SIK3: variants seen among roughly 807,000 people sequenced by gnomAD.
The protein encoded by SIK3 is SIK family kinase 3.
SIK3 carries 28 observed loss-of-function variants against 144.2 expected under a neutral mutation model. That is an observed-to-expected ratio of 0.19 (90% CI 0.14 to 0.27). The LOEUF is 0.27. Ranked by LOEUF, SIK3 falls within the 10% of genes least tolerant of loss-of-function variation. The pLI is 1.00. For synonymous variants in SIK3, 686 were observed against 676.3 expected (o/e 1.01, Z -0.22); for missense variants, 1,319 against 1,776.0 (o/e 0.74, Z 4.62).
At chr11:117,006,651 A>C (rs1951058799) in intron 1 of SIK3, among the ~76,000 whole-genome samples, 1 of 152,092 alleles carries the variant, frequency 6.6e-6, no homozygotes, top group African/African-American at 2.4e-5. Flanking sequence ...AAAAAAAAGA[A>C]AGAAAGAAAG....
intron 1 of SIK3, among the ~76,000 whole-genome samples, chr11:116,970,230 T>C (rs995906366): frequency 1.3e-5 from 2 of 152,162 alleles, no homozygotes; most frequent in African/African-American, 4.8e-5. Context: ...TGAGTTGTGA[T>C]CAAGCCACTA....
intron 4 of SIK3, among the ~76,000 whole-genome samples, chr11:116,926,786 C>A (rs1947297160): frequency 1.3e-5 from 2 of 152,024 alleles, no homozygotes; most frequent in South Asian, 4.1e-4. Context: ...TTTGGGAGAC[C>A]AAGGCAGGCA....
Position 116,849,044 on chromosome 11 carries a change from C to T in SIK3, c.3819+76G>A. ...TGAGGAGAGCGGCCAAGAGAGGCTA[C>T]CCCACATCACTATACTCTGTTTCAA... On this transcript the variant is annotated intron_variant, in intron 22 of 24. Transcript: ENST00000445177. The surrounding 1 kb of genome is among the most constrained non-coding windows in gnomAD (Gnocchi z 4.2). 5 of 1,459,076 alleles carry T rather than the reference C, an allele frequency of 3.4e-6. No homozygotes were observed. Among genetic ancestry groups the T allele is most frequent in the Non-Finnish European group, 4.6e-6 (5 of 1,091,722 alleles). 90.4% of individuals were successfully genotyped at this position (1,459,076 alleles called of 1,614,324 possible). A position where few individuals can be genotyped will look rare whatever the true frequency, so the allele number is the denominator to read the frequency against.
intron 6 of SIK3, among the ~76,000 whole-genome samples, chr11:116,885,183 C>A (rs1270486441): frequency 6.6e-6 from 1 of 152,116 alleles, no homozygotes; most frequent in African/African-American, 2.4e-5. Flanking sequence ...ACATAGAGGC[C>A]ATAGGGAGAT....
At position 116,859,497 on chromosome 11, in the gene SIK3, C is replaced by T; in HGVS notation, c.2533G>A (p.Gly845Ser). 1.2e-6 allele frequency: 2 copies of T among 1,614,116 alleles called. No homozygotes were observed. Among genetic ancestry groups the T allele is most frequent in the African/African-American group, 1.3e-5 (1 of 75,008 alleles). Reference sequence around the variant, plus strand: ...TGTGACTGAGCAGGCTGCTGCATACCCAAGCAGGTTAGTGCCACGTTGGGA... The same window carrying T: ...TGTGACTGAGCAGGCTGCTGCATACTCAAGCAGGTTAGTGCCACGTTGGGA... ...SPPNVALTCL[G>S]MQQPAQSQQV... is the part of the protein sequence containing the mutation. Residue 845 changes from glycine to serine, a missense_variant, in exon 20 of 25, where the codon GGT becomes AGT. Physicochemically the swap from Gly to Ser is moderately conservative, Grantham distance 56. Around this residue, in one of 8 missense-constraint regions of SIK3, gnomAD observed 646 missense variants for 763.7 expected, o/e 0.85. Coordinates refer to ENST00000445177, the MANE Select transcript of SIK3 (RefSeq NM_001366686.3).
At position 116,876,019 on chromosome 11, in the gene SIK3, G is replaced by A; in HGVS notation, c.1096-10C>T. The A allele has an allele frequency of 6.2e-7, 1 of 1,613,450 alleles. No individual in the cohort carries two copies. The highest frequency in any genetic ancestry group is 1.3e-5 in the African/African-American group (1 of 74,980). On this transcript the variant is annotated splice_polypyrimidine_tract_variant and intron_variant, in intron 8 of 24. Transcript: ENST00000445177. ...CATCTGATCTTAATGACTACCAAGAGAGAAGGGAAAAGAGTACAAAACCCT... is the reference window on the plus strand; with the variant it reads ...CATCTGATCTTAATGACTACCAAGAAAGAAGGGAAAAGAGTACAAAACCCT...
At chr11:116,944,687 C>G (rs1272977071) in intron 3 of SIK3, among the ~76,000 whole-genome samples, 1 of 152,152 alleles carries the variant, frequency 6.6e-6, no homozygotes, top group Non-Finnish European at 1.5e-5. Flanking sequence ...AATCTGTATC[C>G]TTTACCTGTA....
intron 4 of SIK3, among the ~76,000 whole-genome samples, chr11:116,902,031 T>G (rs568137249): frequency 6.6e-6 from 1 of 152,306 alleles, no homozygotes; most frequent in Non-Finnish European, 1.5e-5. Flanking sequence ...GCAAAAAACC[T>G]TCACCAGGTC....
intron 1 of SIK3, among the ~76,000 whole-genome samples, chr11:116,993,934 C>T (rs1341532347): frequency 6.6e-6 from 1 of 152,204 alleles, no homozygotes; most frequent in Admixed American, 6.5e-5. Context: ...GAGTGAGTTA[C>T]ACATCCGTGA....
At chr11:116,963,898 A>G (rs1259665296) in intron 1 of SIK3, among the ~76,000 whole-genome samples, 1 of 152,232 alleles carries the variant, frequency 6.6e-6, no homozygotes, top group Non-Finnish European at 1.5e-5. Flanking sequence ...AACAGAAAAC[A>G]AATTTAAAAG....
intron 21 of SIK3, 99 bp downstream of exon 21, chr11:116,857,711 T>G: frequency 6.8e-7 from 1 of 1,471,246 alleles, no homozygotes; most frequent in South Asian, 1.4e-5. Flanking sequence ...ATTCTTTTTT[T>G]CTTAGGAACA....
In SIK3 at chr11:116,875,426, T is replaced by C; in HGVS notation, c.1265A>G (p.Asn422Ser). Reference protein sequence around the residue: ...IQAEQAGTAMNISVPQVQLIN... With the variant: ...IQAEQAGTAMSISVPQVQLIN... ...CAGCTGCACCTGGGGAACGCTGATGTTCATAGCAGTACCTGCCTGCTCCGC... is the reference window on the plus strand; with the variant it reads ...CAGCTGCACCTGGGGAACGCTGATGCTCATAGCAGTACCTGCCTGCTCCGC... Residue 422 changes from asparagine (N) to serine (S), a missense_variant, in exon 10 of 25, where the codon AAC becomes AGC. Asn to Ser is a conservative substitution (Grantham distance 46). This residue lies in a region of SIK3 where 109 missense variants were observed against 109.3 expected (regional missense o/e 1.00). Transcript: ENST00000445177. 2 of 1,614,188 alleles carry C rather than the reference T, an allele frequency of 1.2e-6. No individual in the cohort carries two copies. The highest frequency in any genetic ancestry group is 1.3e-5 in the African/African-American group (1 of 75,044).
At chr11:117,004,065 A>C (rs1297081686) in intron 1 of SIK3, among the ~76,000 whole-genome samples, 1 of 152,202 alleles carries the variant, frequency 6.6e-6, no homozygotes, top group Non-Finnish European at 1.5e-5. Flanking sequence ...ACATATATTA[A>C]AAATCCTCTC....
intron 1 of SIK3, among the ~76,000 whole-genome samples, chr11:117,039,241 A>G (rs1040831657): frequency 1.3e-5 from 2 of 152,194 alleles, no homozygotes; most frequent in African/African-American, 4.8e-5. Context: ...TTGTCTTCAT[A>G]TTACAAACAC....
Position 116,873,895 on chromosome 11 carries a change from C to T in SIK3, c.1581+8G>A. 1.9e-6 allele frequency: 3 copies of T among 1,609,202 alleles called. No homozygotes were observed. Among genetic ancestry groups the T allele is most frequent in the Middle Eastern group, 1.7e-4 (1 of 5,982 alleles). On this transcript the variant is annotated splice_region_variant and intron_variant, in intron 12 of 24. Transcript: ENST00000445177. ...TTCTGGAGCCAGCCCTCTTCCATGT[C>T]TAGGTACCTTGTACTCAAGTTGCCC...
chr11:117,074,687 C>G (rs145077898), intron 1 of SIK3, among the ~76,000 whole-genome samples: 4 of 152,126 alleles, frequency 2.6e-5, no homozygotes, highest in Admixed American at 2.6e-4. Flanking sequence ...CTTTGGGAGG[C>G]CCAGGCAGGA....
At chr11:116,969,718 T>C (rs1184417361) in intron 1 of SIK3, among the ~76,000 whole-genome samples, 3 of 152,198 alleles carry the variant, frequency 2.0e-5, no homozygotes, top group Admixed American at 1.3e-4. Context: ...GTAGAAACTT[T>C]TTCCTTCTGA....
At chr11:117,068,546 T>G (rs571032546) in intron 1 of SIK3, among the ~76,000 whole-genome samples, 1 of 152,272 alleles carries the variant, frequency 6.6e-6, no homozygotes, top group African/African-American at 2.4e-5. Flanking sequence ...CCCAGGAGTT[T>G]GAAACCAGCC....
chr11:117,059,019 A>G (rs1402815926), intron 1 of SIK3, among the ~76,000 whole-genome samples: 1 of 152,210 alleles, frequency 6.6e-6, no homozygotes, highest in African/African-American at 2.4e-5. Flanking sequence ...AAATTGGGAG[A>G]CAATGGAGAT....
Sources: gnomAD v4.1 joint callset for allele counts (sites outside exome capture counted in the v4.1 genomes callset) on GRCh38, gnomAD v4.1.1 for gene constraint, gnomAD v4.1.1 regional missense constraint, Gnocchi (gnomAD v3.1) non-coding constraint, MANE v1.5 for transcripts, NCBI Gene and HGNC (gene_info 2026-07-23, HGNC 2026-07-21) for gene names.